Variants in NEDD4L observed in about 807,000 individuals in gnomAD.
NEDD4L encodes NEDD4 like E3 ubiquitin protein ligase.
NEDD4L carries 54 observed loss-of-function variants against 148.9 expected under a neutral mutation model. That is an observed-to-expected ratio of 0.36 (90% CI 0.29 to 0.45). The LOEUF (loss-of-function observed/expected upper bound fraction) is 0.45. NEDD4L is among the 20% of genes least tolerant of loss of function. The pLI, the probability that NEDD4L is intolerant of heterozygous loss-of-function variation, is 1.00. For synonymous variants in NEDD4L, 433 were observed against 440.7 expected, an observed-to-expected ratio of 0.98 and a Z score of 0.22; for missense variants, 856 against 1,233.8, an observed-to-expected ratio of 0.69 and a Z score of 4.59.
intron 1 of NEDD4L, among the ~76,000 whole-genome samples, chr18:58,161,321 G>A (rs1196179156): frequency 1.3e-5 from 2 of 152,168 alleles, no homozygotes; most frequent in South Asian, 2.1e-4. Context: ...ATGAGCCACC[G>A]TACCCGGCAG....
intron 5 of NEDD4L, among the ~76,000 whole-genome samples, chr18:58,278,947 C>T (rs2052578487): frequency 1.3e-5 from 2 of 152,194 alleles, no homozygotes; most frequent in Non-Finnish European, 2.9e-5. Context: ...TCTCAGCTCA[C>T]TGCCACCTCT....
At chr18:58,081,405 C>G (rs1201860081) in intron 1 of NEDD4L, among the ~76,000 whole-genome samples, 1 of 151,782 alleles carries the variant, frequency 6.6e-6, no homozygotes, top group African/African-American at 2.4e-5. Flanking sequence ...TTAGTAGAGA[C>G]GGGGTTTCAC....
intron 2 of NEDD4L, among the ~76,000 whole-genome samples, chr18:58,236,706 T>C (rs1001794723): frequency 6.6e-6 from 1 of 152,184 alleles, no homozygotes; most frequent in Admixed American, 6.5e-5. Flanking sequence ...TCATAGTTTT[T>C]CCTACGTTTC....
intron 2 of NEDD4L, among the ~76,000 whole-genome samples, chr18:58,244,472 C>CCTTTGAAATA (rs2047009977): frequency 6.6e-6 from 1 of 152,100 alleles, no homozygotes; most frequent in Non-Finnish European, 1.5e-5. Flanking sequence ...CCGCAGTAAT[C>CCTTTGAAATA]CTTTGAAATA....
intron 5 of NEDD4L, among the ~76,000 whole-genome samples, chr18:58,311,106 G>A (rs577378404): frequency 4.9e-4 from 75 of 151,660 alleles, no homozygotes; most frequent in African/African-American, 1.8e-3. Context: ...CTGTAGTTGA[G>A]TGGCTTTCTA....
chr18:58,301,817 C>T (rs375424984), intron 5 of NEDD4L, among the ~76,000 whole-genome samples: 1 of 152,172 alleles, frequency 6.6e-6, no homozygotes, highest in African/African-American at 2.4e-5. Flanking sequence ...TTTAGGATGA[C>T]CAAGAAACTG....
At chr18:58,175,860 A>G (rs1258396916) in intron 2 of NEDD4L, among the ~76,000 whole-genome samples, 1 of 152,190 alleles carries the variant, frequency 6.6e-6, no homozygotes, top group East Asian at 1.9e-4. Context: ...AATGCATGCA[A>G]CGTCCTTTAA....
At chr18:58,219,282 G>A (rs1472890585) in intron 2 of NEDD4L, among the ~76,000 whole-genome samples, 1 of 152,126 alleles carries the variant, frequency 6.6e-6, no homozygotes, top group Non-Finnish European at 1.5e-5. Flanking sequence ...CCAGAATGAG[G>A]CTTTTCTATG....
At chr18:58,064,266 A>G (rs946573767) in intron 1 of NEDD4L, among the ~76,000 whole-genome samples, 4 of 152,186 alleles carry the variant, frequency 2.6e-5, no homozygotes, top group South Asian at 4.1e-4. Flanking sequence ...GCCTGACCCA[A>G]TGTTTCTTAA....
intron 1 of NEDD4L, among the ~76,000 whole-genome samples, chr18:58,112,054 G>A (rs1271218283): frequency 6.6e-6 from 1 of 152,116 alleles, no homozygotes; most frequent in African/African-American, 2.4e-5. Context: ...TGCACATACC[G>A]TCCCCAACTT....
At chr18:58,152,372 A>T (rs1225478987) in intron 1 of NEDD4L, among the ~76,000 whole-genome samples, 1 of 152,016 alleles carries the variant, frequency 6.6e-6, no homozygotes, top group African/African-American at 2.4e-5. Flanking sequence ...CAAGCTGGGG[A>T]GGAAAGGGGT....
intron 2 of NEDD4L, chr18:58,195,864 G>A (rs921447622): frequency 1.3e-5 from 6 of 469,414 alleles, no homozygotes; most frequent in Non-Finnish European, 1.8e-5. Context: ...ATTTGAACTT[G>A]CTTGCTTTCT....
At chr18:58,291,348 C>T (rs1371800843) in intron 5 of NEDD4L, among the ~76,000 whole-genome samples, 2 of 152,206 alleles carry the variant, frequency 1.3e-5, no homozygotes, top group Admixed American at 6.5e-5. Context: ...CTTCCCTGAC[C>T]ACAAGGATGC....
intron 5 of NEDD4L, among the ~76,000 whole-genome samples, chr18:58,272,651 A>G (rs2051224261): frequency 6.6e-6 from 1 of 151,930 alleles, no homozygotes; most frequent in African/African-American, 2.4e-5. Flanking sequence ...AAAAAAATTA[A>G]TCCCGACCTT....
chr18:58,063,039 C>CTTTTTTTTTT (rs74183235), intron 1 of NEDD4L, among the ~76,000 whole-genome samples: 5 of 91,138 alleles, frequency 5.5e-5, no homozygotes, highest in African/African-American at 9.6e-5. Context: ...TTTATTTGTT[C>CTTTTTTTTTT]TTTTTTTTTT....
chr18:58,353,954 C>A (rs1477917454), intron 18 of NEDD4L, among the ~76,000 whole-genome samples: 2 of 152,180 alleles, frequency 1.3e-5, no homozygotes, highest in African/African-American at 4.8e-5. Flanking sequence ...CTTGTCTTTT[C>A]AATAATTAAT....
At chr18:58,330,708 T>C (rs2059721970) in intron 10 of NEDD4L, 30 bp from the exon 11 acceptor site, 1 of 1,489,996 alleles carries the variant, frequency 6.7e-7, no homozygotes, top group East Asian at 2.3e-5. Flanking sequence ...TTCTTTCTAG[T>C]GTTTACCCCA....
chr18:58,080,949 G>A (rs1599127115), intron 1 of NEDD4L, among the ~76,000 whole-genome samples: 1 of 152,040 alleles, frequency 6.6e-6, no homozygotes, highest in African/African-American at 2.4e-5. Context: ...AGGGCTGGGG[G>A]GTATGAAATG....
intron 5 of NEDD4L, among the ~76,000 whole-genome samples, chr18:58,314,055 G>A (rs538172369): frequency 6.6e-6 from 1 of 152,096 alleles, no homozygotes; most frequent in Non-Finnish European, 1.5e-5. Flanking sequence ...GACAATTTAT[G>A]GTCAATATTC....
Sources: allele counts gnomAD v4.1 joint callset (sites outside exome capture counted in the v4.1 genomes callset), GRCh38; gene constraint gnomAD v4.1.1; transcripts MANE v1.5; gene names NCBI Gene and HGNC (gene_info 2026-07-23, HGNC 2026-07-21).